The following CECR2 variants were observed in gnomAD, a reference collection of about 807,000 sequenced individuals.
CECR2 encodes chromatin remodeling regulator CECR2.
In CECR2, 30 loss-of-function variants were observed where a neutral mutation model predicts 154.5. That is an observed-to-expected ratio of 0.19 (90% CI 0.15 to 0.26). The LOEUF (loss-of-function observed/expected upper bound fraction) is 0.26. CECR2 is among the 10% of genes least tolerant of loss of function. CECR2 has a pLI of 1.00. For synonymous variants in CECR2, 725 were observed against 683.7 expected (o/e 1.06, Z -0.94); for missense variants, 1,743 against 1,829.3 (o/e 0.95, Z 0.86).
At chr22:17,395,142 G>A (rs111868952) in intron 1 of CECR2, among the ~76,000 whole-genome samples, 3,734 of 152,124 alleles carry the variant, frequency 0.025, 41 homozygotes, top group Middle Eastern at 0.054. Flanking sequence ...AATCACTTAT[G>A]TACTTTTTGT....
intron 1 of CECR2, among the ~76,000 whole-genome samples, chr22:17,467,252 T>A (rs967975500): frequency 6.6e-6 from 1 of 152,168 alleles, no homozygotes; most frequent in African/African-American, 2.4e-5. Flanking sequence ...AAGTCTGATG[T>A]CAGTGATGAT....
At chr22:17,521,855 G>T (rs796784593) in intron 8 of CECR2, among the ~76,000 whole-genome samples, 1 of 152,136 alleles carries the variant, frequency 6.6e-6, no homozygotes, top group South Asian at 2.1e-4. Context: ...GTAATGCCTA[G>T]GTTTTCTTCT....
Position 17,499,532 on chromosome 22 carries a change from A to T in CECR2, c.528A>T (p.Gly176=). ...ACCCGGTGCAAGGAAAATCCAATGG[A>T]GAACTCTCTTTGAGCAGGTATGTTC... ...KEDPVQGKSN[G]ELSLSRESEG... is the part of the protein sequence containing the mutation. The change falls in exon 4 of 19, where the codon GGA becomes GGT. Residue 176 remains glycine (G), a synonymous_variant. Coordinates refer to ENST00000262608, the MANE Select transcript of CECR2 (RefSeq NM_001290047.2). 1 of 1,611,254 alleles carries T rather than the reference A, an allele frequency of 6.2e-7. No individual in the cohort carries two copies. Among genetic ancestry groups the T allele is most frequent in the South Asian group, 1.1e-5 (1 of 90,532 alleles).
rs533401332 is a variant in CECR2, at chr22:17,555,289, A to G, written c.*2449A>G. 1.3e-5 allele frequency: 2 copies of G among 152,374 alleles called. No individual in the cohort carries two copies. Among genetic ancestry groups the G allele is most frequent in the South Asian group, 4.1e-4 (2 of 4,824 alleles). The allele number at this position is 152,374 out of a possible 1,614,324, so 9.4% of individuals were successfully genotyped here. ...CCCTTCTTGGTTTTCGACAGAAAAT[A>G]TTAAGGAAGAGCAATAGGAAATAGA... On this transcript the variant is annotated 3_prime_UTR_variant, in exon 19 of 19. Coordinates refer to ENST00000262608, the MANE Select transcript of CECR2 (RefSeq NM_001290047.2).
At chr22:17,530,657 A>G (rs1030699156) in intron 9 of CECR2, among the ~76,000 whole-genome samples, 8 of 151,890 alleles carry the variant, frequency 5.3e-5, no homozygotes. Context: ...AGCCTGGGCA[A>G]CAGAGCGAGA....
intron 1 of CECR2, among the ~76,000 whole-genome samples, chr22:17,362,412 C>G (rs1314200037): frequency 6.6e-6 from 1 of 152,024 alleles, no homozygotes; most frequent in Non-Finnish European, 1.5e-5. Flanking sequence ...CCAGCACTGC[C>G]CAATACAGTA....
In CECR2 at chr22:17,454,143, G is replaced by A. The variant is rs1370883710; in HGVS notation, c.127-23445G>A. Among the ~76,000 whole-genome samples the A allele has an allele frequency of 2.0e-5, 3 of 152,134 alleles. No homozygotes were observed. In the East Asian group the frequency reaches 5.8e-4, roughly 29 times the overall value. ...GCACATAAGAGCTCAATACAAATTA[G>A]TTAGTATTAGCCAGGTGTGGTGGCC... is the stretch of plus-strand genomic sequence containing the variant. On this transcript the variant is annotated intron_variant, in intron 1 of 18. Transcript: ENST00000262608.
intron 1 of CECR2, among the ~76,000 whole-genome samples, chr22:17,410,271 G>A (rs1354641210): frequency 6.6e-6 from 1 of 152,030 alleles, no homozygotes; most frequent in Non-Finnish European, 1.5e-5. Flanking sequence ...GAGCCACCGC[G>A]CCCGGCCCTG....
chr22:17,546,866 T>G (rs1281786018), intron 16 of CECR2, among the ~76,000 whole-genome samples: 2 of 151,612 alleles, frequency 1.3e-5, no homozygotes, highest in Non-Finnish European at 2.9e-5. Context: ...TGGTGAAATC[T>G]TGTCTCTACT....
intron 1 of CECR2, among the ~76,000 whole-genome samples, chr22:17,377,989 T>C (rs564210870): frequency 2.0e-5 from 3 of 152,294 alleles, no homozygotes; most frequent in African/African-American, 7.2e-5. Context: ...TTGTTTTGTT[T>C]TGTTTTGTTT....
intron 2 of CECR2, among the ~76,000 whole-genome samples, chr22:17,481,685 C>T (rs1020701300): frequency 6.6e-6 from 1 of 152,142 alleles, no homozygotes; most frequent in Non-Finnish European, 1.5e-5. Context: ...AGTGGTCACA[C>T]GAGGTTGTGA....
chr22:17,546,057 A>C (rs1324226626), intron 16 of CECR2, among the ~76,000 whole-genome samples: 2 of 151,986 alleles, frequency 1.3e-5, no homozygotes, highest in Non-Finnish European at 2.9e-5. Context: ...CGACTCTTTT[A>C]AAAAAAGAAA....
chr22:17,543,895 G>A (rs1237261553), intron 16 of CECR2, among the ~76,000 whole-genome samples: 1 of 152,042 alleles, frequency 6.6e-6, no homozygotes, highest in African/African-American at 2.4e-5. Context: ...ACAAGCCTTC[G>A]AGATAGCTAC....
chr22:17,405,468 A>AATAAAAT (rs56794330), intron 1 of CECR2, among the ~76,000 whole-genome samples: 78,137 of 140,316 alleles, frequency 0.56, 22,373 homozygotes, highest in Non-Finnish European at 0.64. Flanking sequence ...TATAAAATAA[A>AATAAAAT]ATAAAATATA....
chr22:17,525,071 G>C (rs967458609), intron 9 of CECR2, among the ~76,000 whole-genome samples: 1 of 149,276 alleles, frequency 6.7e-6, no homozygotes, highest in African/African-American at 2.4e-5. Context: ...ATCACATGAG[G>C]TTGGGTTTTC....
intron 9 of CECR2, among the ~76,000 whole-genome samples, chr22:17,531,135 A>G (rs2056348288): frequency 6.6e-6 from 1 of 152,206 alleles, no homozygotes; most frequent in Admixed American, 6.5e-5. Context: ...TTGAAAACCA[A>G]AACTACACTA....
intron 1 of CECR2, among the ~76,000 whole-genome samples, chr22:17,408,281 T>C (rs1435413939): frequency 1.3e-5 from 2 of 151,346 alleles, no homozygotes; most frequent in Non-Finnish European, 2.9e-5. Flanking sequence ...TATATTTGCT[T>C]TTTTGTGGTG....
At position 17,548,915 on chromosome 22, in the gene CECR2, T is replaced by G. The variant is rs1480677010; in HGVS notation, c.3628T>G (p.Ser1210Ala). 1 of 1,613,456 alleles carries G rather than the reference T, an allele frequency of 6.2e-7. No individual in the cohort carries two copies. Among genetic ancestry groups the G allele is most frequent in the South Asian group, 1.1e-5 (1 of 91,062 alleles). The change falls in exon 17 of 19, where the codon TCT (serine) becomes GCT (alanine). Residue 1210 changes from serine to alanine, a missense_variant. This residue lies in a region of CECR2 where 1,250 missense variants were observed against 1,192.1 expected (regional missense o/e 1.05). Coordinates refer to ENST00000262608, the MANE Select transcript of CECR2 (RefSeq NM_001290047.2). Reference protein sequence around the residue: ...TPYYACPQSFSDWQRPLHPQG... With the variant: ...TPYYACPQSFADWQRPLHPQG... ...TTACTATGCCTGTCCACAGAGCTTTTCTGACTGGCAGAGACCTCTCCATCC... is the reference window on the plus strand; with the variant it reads ...TTACTATGCCTGTCCACAGAGCTTTGCTGACTGGCAGAGACCTCTCCATCC...
chr22:17,545,066 G>T (rs2056590072), intron 16 of CECR2, among the ~76,000 whole-genome samples: 1 of 151,912 alleles, frequency 6.6e-6, no homozygotes, highest in African/African-American at 2.4e-5. Flanking sequence ...AGCAAATCTT[G>T]AAGCAGTTTC....
Sources: allele counts gnomAD v4.1 joint callset (sites outside exome capture counted in the v4.1 genomes callset), GRCh38; gene constraint gnomAD v4.1.1; regional missense constraint gnomAD v4.1.1; transcripts MANE v1.5; gene names NCBI Gene and HGNC (gene_info 2026-07-23, HGNC 2026-07-21).